PKM: variants seen among roughly 807,000 people sequenced by gnomAD.
PKM encodes the protein pyruvate kinase M1/2.
A neutral mutation model predicts 49.8 loss-of-function variants in PKM; 18 were observed. The observed-to-expected ratio is 0.36, with a 90% CI of 0.25 to 0.54. The LOEUF (loss-of-function observed/expected upper bound fraction) is 0.54, where lower values mean the gene tolerates loss of function less well. Among genes scored for constraint, PKM ranks in the 20% least tolerant of loss-of-function variants. The probability of loss-of-function intolerance (pLI) is 0.89; values close to 1 mark genes in which losing one functional copy is unlikely to be tolerated. For missense variants in PKM, 508 were observed against 713.8 expected (o/e 0.71, Z 3.28); for synonymous variants, 239 against 261.8 (o/e 0.91, Z 0.84).
chr15:72,208,702 T>A lies in PKM; in HGVS notation c.755A>T (p.His252Leu), dbSNP rs1366482200. 1 of 1,614,198 alleles carries A rather than the reference T, an allele frequency of 6.2e-7. No individual in the cohort carries two copies. The highest frequency in any genetic ancestry group is 1.3e-5 in the African/African-American group (1 of 75,054). The change falls in exon 6 of 11, where the codon CAT becomes CTT. Residue 252 changes from histidine to leucine, a missense_variant. Physicochemically the swap from His to Leu is moderately conservative, Grantham distance 99. Coordinates refer to ENST00000335181, the MANE Select transcript of PKM (RefSeq NM_002654.6). Reference sequence around the variant, plus strand: ...CTCTCCCAGGACCTTCCTAACTTCATGGACATCAGATGCCTTGCGGATGAA... The same window carrying A: ...CTCTCCCAGGACCTTCCTAACTTCAAGGACATCAGATGCCTTGCGGATGAA... ...ASFIRKASDVHEVRKVLGEKG... is the reference protein window; with the variant it reads ...ASFIRKASDVLEVRKVLGEKG...
chr15:72,199,677 G>A lies in PKM; in HGVS notation c.1569C>T (p.Asn523=). Residue 523 remains asparagine (N), a synonymous_variant, in exon 11 of 11, where the codon AAC becomes AAT. Transcript: ENST00000335181. The part of the protein sequence containing the change: ...TGWRPGSGFT[N]TMRVVPVP ...ACGGCACAGGAACAACACGCATGGT[G>A]TTGGTGAAGCCGGAGCCAGGGCGCC... 6.2e-7 allele frequency: 1 copy of A among 1,613,754 alleles called. No individual in the cohort carries two copies. Among genetic ancestry groups the A allele is most frequent in the Non-Finnish European group, 8.5e-7 (1 of 1,179,800 alleles).
intron 1 of PKM, among the ~76,000 whole-genome samples, chr15:72,224,952 C>T (rs1190997270): frequency 7.0e-6 from 1 of 143,462 alleles, no homozygotes; most frequent in Non-Finnish European, 1.5e-5. Flanking sequence ...GATGGAGTCT[C>T]GCTCTGTTGC....
In PKM at chr15:72,202,861, AC is replaced by A; in HGVS notation, c.1141-242del. 2.5e-6 allele frequency: 2 copies of A among 788,444 alleles called. No individual in the cohort carries two copies. Among genetic ancestry groups the A allele is most frequent in the African/African-American group, 1.7e-5 (1 of 58,996 alleles). 48.8% of individuals were successfully genotyped at this position (788,444 alleles called of 1,614,324 possible). ...TCTACTGTGCCTACTGAGCCACAGG[AC>A]CCTTTGGTCCTGCCCTGCCATGACC... is the stretch of plus-strand genomic sequence containing the variant. On this transcript the variant is annotated intron_variant, in intron 8 of 10. Coordinates refer to ENST00000335181, the MANE Select transcript of PKM (RefSeq NM_002654.6). The surrounding 1 kb of genome is among the most constrained non-coding windows in gnomAD (Gnocchi z 4.5).
Position 72,200,990 on chromosome 15 carries a change from C to G in PKM, c.1308-335G>C, listed in dbSNP as rs993441302. The stretch of plus-strand genomic sequence containing the variant: ...CCTGAACTCTGACACAGAGAGGCAG[C>G]CCTGGCCCAATGTCACCAGCACCCA... On this transcript the variant is annotated intron_variant, in intron 9 of 10. Transcript: ENST00000335181. The surrounding 1 kb of genome is among the most constrained non-coding windows in gnomAD (Gnocchi z 4.6). 3.7e-6 allele frequency: 1 copy of G among 268,792 alleles called. No homozygotes were observed. Among genetic ancestry groups the G allele is most frequent in the African/African-American group, 2.2e-5 (1 of 46,208 alleles). The allele number at this position is 268,792 out of a possible 1,614,324, so 16.7% of individuals were successfully genotyped here.
chr15:72,224,320 T>C (rs569454862), intron 1 of PKM, among the ~76,000 whole-genome samples: 1 of 152,230 alleles, frequency 6.6e-6, no homozygotes, highest in South Asian at 2.1e-4. Context: ...TAGGGTCCTC[T>C]TAAGTGCAAC....
At chr15:72,228,468 T>C (rs1018747996) in intron 1 of PKM, 3 of 380,764 alleles carry the variant, frequency 7.9e-6, no homozygotes, top group South Asian at 1.9e-5. Context: ...AGCTCCGTAG[T>C]TGAGGCATTT....
chr15:72,215,104 G>A (rs2082345862), intron 3 of PKM, among the ~76,000 whole-genome samples: 1 of 152,172 alleles, frequency 6.6e-6, no homozygotes, highest in Non-Finnish European at 1.5e-5. Flanking sequence ...AGGAGGCTGA[G>A]GTATGAGAAT....
Position 72,206,743 on chromosome 15 carries a change from C to T in PKM, c.1125G>A (p.Val375=). The part of the protein sequence containing the change: ...TAKGDYPLEA[V]RMQHLIAREA... ...CAGAACTCACCAGGTGCTGCATGCG[C>T]ACAGCCTCCAGAGGATAGTCCCCTT... is the stretch of plus-strand genomic sequence containing the variant. Residue 375 remains valine, a synonymous_variant, in exon 8 of 11, where the codon GTG becomes GTA. Coordinates refer to ENST00000335181, the MANE Select transcript of PKM (RefSeq NM_002654.6). 1 of 1,613,258 alleles carries T rather than the reference C, an allele frequency of 6.2e-7. No homozygotes were observed. The highest frequency in any genetic ancestry group is 8.5e-7 in the Non-Finnish European group (1 of 1,180,030).
chr15:72,210,109 C>T, intron 4 of PKM: 1 of 628,710 alleles, frequency 1.6e-6, no homozygotes, highest in Non-Finnish European at 2.8e-6. Context: ...AGTTAGAAAG[C>T]CTAAAGTTTA....
Position 72,209,773 on chromosome 15 carries a change from G to A in PKM, c.465C>T (p.Asn155=). 6.2e-7 allele frequency: 1 copy of A among 1,613,984 alleles called. No individual in the cohort carries two copies. The highest frequency in any genetic ancestry group is 8.5e-7 in the Non-Finnish European group (1 of 1,179,936). ...TGTTCTTGTAGTCCAGCCACAGGAT[G>A]TTCTCGTCACACTTTTCCATGTAGG... is the stretch of plus-strand genomic sequence containing the variant. ...DNAYMEKCDE[N]ILWLDYKNIC... is the part of the protein sequence containing the mutation. The change falls in exon 5 of 11, where the codon AAC becomes AAT. Residue 155 remains asparagine (N), a synonymous_variant. Coordinates refer to ENST00000335181, the MANE Select transcript of PKM (RefSeq NM_002654.6).
intron 9 of PKM, chr15:72,201,396 T>C (rs559123649): frequency 6.6e-6 from 1 of 152,364 alleles, no homozygotes; most frequent in East Asian, 1.9e-4. Context: ...TGCACACTTG[T>C]AGCTGCAGCT....
intron 1 of PKM, among the ~76,000 whole-genome samples, chr15:72,230,676 G>A (rs992884682): frequency 6.6e-6 from 1 of 152,162 alleles, no homozygotes; most frequent in African/African-American, 2.4e-5. Context: ...GACACGCACA[G>A]CTTGAAGAGG....
At chr15:72,229,915 AAAAAAAAAAAGAAAG>A (rs1382899539) in intron 1 of PKM, among the ~76,000 whole-genome samples, 3 of 151,048 alleles carry the variant, frequency 2.0e-5, no homozygotes, top group African/African-American at 7.3e-5. Context: ...GATAATTAAA[AAAAAAAAAAAGAAAG>A]AAAAAAGAAA....
rs1235103872 is a variant in PKM at position 72,202,381 on chromosome 15, G to C, written c.1307+73C>G. The C allele has an allele frequency of 1.4e-6, 2 of 1,453,416 alleles. No individual in the cohort carries two copies. Among genetic ancestry groups the C allele is most frequent in the African/African-American group, 1.4e-5 (1 of 71,674 alleles). The allele number at this position is 1,453,416 out of a possible 1,614,324, so 90.0% of individuals were successfully genotyped here. On this transcript the variant is annotated intron_variant, in intron 9 of 10. Coordinates refer to ENST00000335181, the MANE Select transcript of PKM (RefSeq NM_002654.6). This position sits in a 1 kb window ranked among gnomAD's most constrained non-coding sequence, Gnocchi z 4.5. ...CAGTGCCACCTGAGCATTGTTCAAT[G>C]GACTGCTCCCAGGACCCCCAAGGTG...
chr15:72,203,396 C>G (rs8192424), intron 8 of PKM: 9 of 591,154 alleles, frequency 1.5e-5, no homozygotes, highest in African/African-American at 1.3e-4. Context: ...CCCTCCAATA[C>G]AGGGGAAATT....
intron 2 of PKM, 136 bp from the exon 3 acceptor site, chr15:72,217,636 G>A (rs1196553746): frequency 8.9e-6 from 6 of 672,440 alleles, no homozygotes; most frequent in Non-Finnish European, 1.6e-5. Flanking sequence ...TTTAAAAAGT[G>A]CATGGAAGGC....
At chr15:72,221,034 A>G in intron 1 of PKM, 2 of 679,136 alleles carry the variant, frequency 2.9e-6, no homozygotes, top group Non-Finnish European at 5.3e-6. Context: ...TGTGAACAAA[A>G]TAAGATCTGA....
At chr15:72,218,321 T>G (rs1406809660) in intron 2 of PKM, among the ~76,000 whole-genome samples, 1 of 152,030 alleles carries the variant, frequency 6.6e-6, no homozygotes, top group Non-Finnish European at 1.5e-5. Context: ...GAGATGGGAT[T>G]TCACCATGTT....
chr15:72,202,504 G>A lies in PKM; in HGVS notation c.1257C>T (p.Ala419=). Residue 419 remains alanine, a synonymous_variant, in exon 9 of 11, where the codon GCC becomes GCT. Transcript: ENST00000335181. The surrounding 1 kb of genome is among the most constrained non-coding windows in gnomAD (Gnocchi z 4.5). ...TGGCCCCACTGCAGCACTTGAAGGA[G>A]GCCTCCACGGCACCCACGGCGGTGG... ...TEATAVGAVE[A]SFKCCSGAII... is the part of the protein sequence containing the mutation. The A allele has an allele frequency of 6.2e-7, 1 of 1,613,714 alleles. No homozygotes were observed. Among genetic ancestry groups the A allele is most frequent in the Non-Finnish European group, 8.5e-7 (1 of 1,179,954 alleles).
Sources: gnomAD v4.1 joint callset for allele counts (sites outside exome capture counted in the v4.1 genomes callset) on GRCh38, gnomAD v4.1.1 for gene constraint, Gnocchi (gnomAD v3.1) non-coding constraint, MANE v1.5 for transcripts, NCBI Gene and HGNC (gene_info 2026-07-23, HGNC 2026-07-21) for gene names.